The following ABLIM1 variants were observed in gnomAD, a reference collection of about 807,000 sequenced individuals.
ABLIM1 encodes actin binding LIM protein 1, also known as actin-binding LIM protein 1.
In ABLIM1, 40 loss-of-function variants were observed where a neutral mutation model predicts 107.0. The ratio of observed to expected loss-of-function variants is 0.37; its 90% CI spans 0.29 to 0.49. The LOEUF (loss-of-function observed/expected upper bound fraction) is 0.49, where lower values mean the gene tolerates loss of function less well. Ranked by LOEUF, ABLIM1 falls within the 20% of genes least tolerant of loss-of-function variation. ABLIM1 has a pLI of 0.97. For missense variants in ABLIM1, 857 were observed against 1,008.5 expected (o/e 0.85, Z 2.04); for synonymous variants, 357 against 357.3 (o/e 1.00, Z 0.01).
Position 114,658,115 on chromosome 10 carries a change from G to A in ABLIM1, c.86C>T (p.Ala29Val), listed in dbSNP as rs538962283. 5 of 1,614,198 alleles carry A rather than the reference G, an allele frequency of 3.1e-6. No individual in the cohort carries two copies. Among genetic ancestry groups the A allele is most frequent in the Non-Finnish European group, 4.2e-6 (5 of 1,180,022 alleles). Residue 29 changes from alanine to valine, a missense_variant, in exon 1 of 23, where the codon GCC (alanine) becomes GTC (valine). Physicochemically the swap from Ala to Val is moderately conservative, Grantham distance 64 (BLOSUM62 0). Coordinates refer to ENST00000533213, the MANE Select transcript of ABLIM1 (RefSeq NM_002313.7). ...CAGTCTCTTTCTGTTCGAGCCCCTG[G>A]CACTGGTTCTCTCAGATGAGGTGAC... ...SKVTSSERTS[A>V]RGSNRKRLIV...
intron 2 of ABLIM1, among the ~76,000 whole-genome samples, chr10:114,598,570 G>A (rs922400505): frequency 2.0e-5 from 3 of 152,068 alleles, no homozygotes; most frequent in Admixed American, 2.0e-4. Context: ...CCTGGCAACA[G>A]AGTGAGACTC....
At chr10:114,610,656 G>A (rs1468656832) in intron 1 of ABLIM1, 3 of 152,240 alleles carry the variant, frequency 2.0e-5, no homozygotes, top group Non-Finnish European at 4.4e-5. Context: ...GCTGTGGCAA[G>A]TGGCAGCTAC....
intron 1 of ABLIM1, among the ~76,000 whole-genome samples, chr10:114,656,129 G>C (rs529534355): frequency 1.3e-5 from 2 of 152,142 alleles, no homozygotes; most frequent in African/African-American, 4.8e-5. Flanking sequence ...AATTAGCCAG[G>C]TGTGGTGGCA....
In ABLIM1 at chr10:114,540,888, C is replaced by T. The variant is rs2066572518; in HGVS notation, c.894+4117G>A. 1.3e-5 allele frequency among the ~76,000 whole-genome samples: 2 copies of T among 152,162 alleles called. 1 individual carries two copies. Among genetic ancestry groups the T allele is most frequent in the South Asian group, 4.1e-4 (2 of 4,824 alleles). On this transcript the variant is annotated intron_variant, in intron 6 of 22. Coordinates refer to ENST00000533213, the MANE Select transcript of ABLIM1 (RefSeq NM_002313.7). ...CCCGATCATCACCAAAAGAGACTCC[C>T]TATCAATTCCCTGGAACCTGTGAAT...
the ABLIM1 span, chr10:114,779,728 A>G: frequency 1.3e-5 from 2 of 152,206 alleles, no homozygotes; most frequent in Non-Finnish European, 2.9e-5. Flanking sequence ...GATATATTCC[A>G]TAGAATGGGT....
At chr10:114,539,115 T>C (rs1375910597) in intron 6 of ABLIM1, among the ~76,000 whole-genome samples, 1 of 152,240 alleles carries the variant, frequency 6.6e-6, no homozygotes, top group African/African-American at 2.4e-5. Context: ...CCCAGCACTT[T>C]GGGAGGCCAA....
In ABLIM1 at chr10:114,739,603, T is replaced by A. The variant is rs181687814; in HGVS notation, c.-213+28458A>T. Among the ~76,000 whole-genome samples the A allele has an allele frequency of 7.7e-4, 118 of 152,292 alleles. 1 individual carries two copies. Among genetic ancestry groups the A allele is most frequent in the East Asian group, 2.7e-3 (14 of 5,194 alleles). On this transcript the variant is annotated intron_variant, in intron 1 of 15. Coordinates refer to the ABLIM1 transcript ENST00000651092. The stretch of plus-strand genomic sequence containing the variant: ...AACTTAATATCATCCAGTATTTTTT[T>A]AAAAAAATTTCCCATCATATATGCA...
Position 114,465,623 on chromosome 10 carries a change from C to T in ABLIM1, c.1441+75G>A, listed in dbSNP as rs1589992442. ...GTTTAGTCGTTGATTTTTCAATGTG[C>T]TATCAATAGTAGGGGAAAAAATCAC... On this transcript the variant is annotated intron_variant, in intron 12 of 22. Transcript: ENST00000533213. 1.9e-5 allele frequency: 29 copies of T among 1,545,218 alleles called. 1 individual carries two copies. The South Asian group carries it at 2.8e-4, about 15-fold the overall frequency.
At chr10:114,535,112 C>A (rs1051052741) in intron 6 of ABLIM1, among the ~76,000 whole-genome samples, 1 of 152,202 alleles carries the variant, frequency 6.6e-6, no homozygotes, top group Non-Finnish European at 1.5e-5. Context: ...TGTTCTTCTC[C>A]AGTAAAGTGT....
At chr10:114,699,499 G>C (rs1023482520) in intron 1 of ABLIM1, among the ~76,000 whole-genome samples, 26 of 152,106 alleles carry the variant, frequency 1.7e-4, no homozygotes, top group Non-Finnish European at 1.5e-5. Flanking sequence ...TCTTCTGACA[G>C]CAGTCAGAAG....
intron 6 of ABLIM1, among the ~76,000 whole-genome samples, chr10:114,504,450 A>T (rs2060855573): frequency 6.6e-6 from 1 of 152,196 alleles, no homozygotes; most frequent in Admixed American, 6.5e-5. Context: ...TGGACAGTTT[A>T]AAGTAAGTAT....
intron 7 of ABLIM1, among the ~76,000 whole-genome samples, chr10:114,489,959 C>G (rs1347259408): frequency 3.9e-5 from 6 of 152,206 alleles, no homozygotes; most frequent in African/African-American, 1.4e-4. Context: ...GAAACCTTCT[C>G]TCTCCAGCCT....
At chr10:114,701,750 G>T (rs1242369045) in intron 1 of ABLIM1, among the ~76,000 whole-genome samples, 1 of 152,094 alleles carries the variant, frequency 6.6e-6, no homozygotes, top group Non-Finnish European at 1.5e-5. Context: ...GGAGTGAGAG[G>T]ATTCACTGAC....
At chr10:114,801,364 G>A in the ABLIM1 span, among the ~76,000 whole-genome samples, 10 of 152,260 alleles carry the variant, frequency 6.6e-5, no homozygotes, top group East Asian at 1.5e-3. Context: ...TTGAGTACGC[G>A]GAGGAAGAGA....
rs1377985474 is a variant in ABLIM1, at chr10:114,444,142, C to T, written c.1828-8G>A. On this transcript the variant is annotated splice_polypyrimidine_tract_variant and splice_region_variant and intron_variant, in intron 16 of 22. Coordinates refer to ENST00000533213, the MANE Select transcript of ABLIM1 (RefSeq NM_002313.7). ...TCCCAGGCCTGAGTTAAGCTATTCA[C>T]AGAAAAAAGGAAAAAAAAAAAAAAA... The T allele has an allele frequency of 9.0e-6, 12 of 1,331,334 alleles. No homozygotes were observed. The highest frequency in any genetic ancestry group is 1.2e-5 in the Non-Finnish European group (12 of 998,476). 82.5% of individuals were successfully genotyped at this position (1,331,334 alleles called of 1,614,324 possible). A position where few individuals can be genotyped will look rare whatever the true frequency, so the allele number is the denominator to read the frequency against.
chr10:114,465,607 T>C (rs2064987125), intron 12 of ABLIM1, 91 bp downstream of exon 12: 4 of 1,493,272 alleles, frequency 2.7e-6, no homozygotes, highest in East Asian at 4.6e-5. Flanking sequence ...TGTTTAGTCG[T>C]TGATTTTTCA....
At chr10:114,784,665 C>CAAAAA in the ABLIM1 span, among the ~76,000 whole-genome samples, 10 of 87,974 alleles carry the variant, frequency 1.1e-4, no homozygotes, top group Non-Finnish European at 1.7e-4. Flanking sequence ...AGACTCACCT[C>CAAAAA]AAAAAAAAAA....
intron 1 of ABLIM1, among the ~76,000 whole-genome samples, chr10:114,675,616 A>G (rs1380165666): frequency 6.6e-6 from 1 of 152,240 alleles, no homozygotes; most frequent in African/African-American, 2.4e-5. Flanking sequence ...ACCAGCCACT[A>G]GCCTTTGCGT....
chr10:114,780,457 G>A, the ABLIM1 span, among the ~76,000 whole-genome samples: 2 of 152,126 alleles, frequency 1.3e-5, no homozygotes, highest in African/African-American at 2.4e-5. Context: ...AACAAAAAGT[G>A]GATTAGTCAT....
Sources: gnomAD v4.1 joint callset for allele counts (sites outside exome capture counted in the v4.1 genomes callset) on GRCh38, gnomAD v4.1.1 for gene constraint, MANE v1.5 for transcripts, NCBI Gene and HGNC (gene_info 2026-07-23, HGNC 2026-07-21) for gene names.